The following TTC28 variants were observed in gnomAD, a reference collection of about 807,000 sequenced individuals.
TTC28 encodes tetratricopeptide repeat protein 28.
TTC28 carries 61 observed loss-of-function variants against 198.0 expected under a neutral mutation model. The ratio of observed to expected loss-of-function variants is 0.31; its 90% CI spans 0.25 to 0.38. TTC28 has a LOEUF of 0.38. TTC28 is among the 10% of genes least tolerant of loss of function. The probability of loss-of-function intolerance (pLI) is 1.00; values close to 1 mark genes in which losing one functional copy is unlikely to be tolerated. For synonymous variants in TTC28, 1,171 were observed against 1,297.8 expected, an observed-to-expected ratio of 0.90 and a Z score of 2.10; for missense variants, 2,678 against 3,164.0, an observed-to-expected ratio of 0.85 and a Z score of 3.69.
At position 27,989,232 on chromosome 22, in the gene TTC28, G is replaced by A. The variant is rs558805667; in HGVS notation, c.5707+646C>T. On this transcript the variant is annotated intron_variant, in intron 21 of 22. Coordinates refer to ENST00000397906, the MANE Select transcript of TTC28 (RefSeq NM_001145418.2). ...CTGCACTGACTGAGGCCCCTGCTAT[G>A]TGCAGTCCTAGGTACCCATGGTCTC... is the stretch of plus-strand genomic sequence containing the variant. Among the ~76,000 whole-genome samples, 299 of 151,992 alleles carry A rather than the reference G, an allele frequency of 2.0e-3. 1 individual carries two copies. The highest frequency in any genetic ancestry group is 6.8e-3 in the Middle Eastern group (2 of 294).
At chr22:28,179,819 A>C (rs1181995870) in intron 5 of TTC28, among the ~76,000 whole-genome samples, 1 of 152,224 alleles carries the variant, frequency 6.6e-6, no homozygotes, top group African/African-American at 2.4e-5. Flanking sequence ...TGACCAATAC[A>C]ATACTGAGCA....
At chr22:28,298,150 C>G (rs1377118423) in intron 3 of TTC28, among the ~76,000 whole-genome samples, 1 of 152,074 alleles carries the variant, frequency 6.6e-6, no homozygotes, top group Non-Finnish European at 1.5e-5. Flanking sequence ...TGTCCTGTTC[C>G]CCTCTCAAAA....
chr22:28,193,757 C>G (rs138995839), intron 5 of TTC28, among the ~76,000 whole-genome samples: 416 of 152,180 alleles, frequency 2.7e-3, no homozygotes, highest in African/African-American at 9.5e-3. Context: ...TATATATGCA[C>G]CCAATAAAGG....
intron 5 of TTC28, among the ~76,000 whole-genome samples, chr22:28,260,910 T>G (rs1449057292): frequency 6.6e-6 from 1 of 152,152 alleles, no homozygotes; most frequent in East Asian, 1.9e-4. Flanking sequence ...CACCTACTCC[T>G]ACTTTCTCTT....
Position 28,658,074 on chromosome 22 carries a change from T to C in TTC28, c.102+21548A>G, listed in dbSNP as rs181748311. Among the ~76,000 whole-genome samples the C allele has an allele frequency of 3.1e-3, 471 of 152,324 alleles. 1 individual carries two copies. Among genetic ancestry groups the C allele is most frequent in the Middle Eastern group, 0.02 (6 of 294 alleles). On this transcript the variant is annotated intron_variant, in intron 1 of 22. Transcript: ENST00000397906. ...ATAATATGCATTTCTAGTGTCATGATTAAGGATTCAGAATTACAAAAGGCC... is the reference window on the plus strand; with the variant it reads ...ATAATATGCATTTCTAGTGTCATGACTAAGGATTCAGAATTACAAAAGGCC...
intron 2 of TTC28, among the ~76,000 whole-genome samples, chr22:28,385,310 G>A (rs1372053627): frequency 1.3e-5 from 2 of 149,202 alleles, no homozygotes; most frequent in Non-Finnish European, 3.0e-5. Flanking sequence ...TTGGCTCACT[G>A]TAACCTCCAC....
intron 2 of TTC28, among the ~76,000 whole-genome samples, chr22:28,339,961 A>T (rs959680264): frequency 2.6e-5 from 4 of 152,106 alleles, no homozygotes; most frequent in Non-Finnish European, 5.9e-5. Flanking sequence ...AAATGCAGAA[A>T]TCACCCGTCT....
chr22:28,293,904 T>C (rs1306832639), intron 5 of TTC28, among the ~76,000 whole-genome samples: 1 of 152,140 alleles, frequency 6.6e-6, no homozygotes, highest in African/African-American at 2.4e-5. Context: ...TCTGCAATAG[T>C]TGAGCTATCT....
intron 9 of TTC28, among the ~76,000 whole-genome samples, chr22:28,099,314 G>A (rs1291229575): frequency 2.6e-5 from 4 of 152,164 alleles, no homozygotes; most frequent in African/African-American, 4.8e-5. Flanking sequence ...CATGTGAGGC[G>A]CATTAGGTGA....
Position 28,296,208 on chromosome 22 carries a change from T to G in TTC28, c.923A>C (p.Lys308Thr). ...RHQLVLAMKL[K>T]DREAASSALS... ...AGATAAACTTCCTACCTCTCGATCT[T>G]TGAGTTTCATGGCGAGTACCAACTG... Residue 308 changes from lysine (K) to threonine (T), a missense_variant, in exon 5 of 23, where the codon AAA (lysine) becomes ACA (threonine). Transcript: ENST00000397906. 6.5e-7 allele frequency: 1 copy of G among 1,547,250 alleles called. No homozygotes were observed. The highest frequency in any genetic ancestry group is 8.7e-7 in the Non-Finnish European group (1 of 1,145,012).
intron 2 of TTC28, among the ~76,000 whole-genome samples, chr22:28,445,668 G>A (rs2146240757): frequency 6.6e-6 from 1 of 152,216 alleles, no homozygotes; most frequent in African/African-American, 2.4e-5. Flanking sequence ...TCTCTGCCTG[G>A]ATTACTCTTC....
Position 27,982,747 on chromosome 22 carries a change from G to A in TTC28, c.6920C>T (p.Ser2307Phe). 1 of 1,551,292 alleles carries A rather than the reference G, an allele frequency of 6.4e-7. No individual in the cohort carries two copies. Among genetic ancestry groups the A allele is most frequent in the Non-Finnish European group, 8.7e-7 (1 of 1,146,726 alleles). The change falls in exon 23 of 23, where the codon TCC becomes TTC. Residue 2307 changes from serine to phenylalanine, a missense_variant. Ser to Phe is a radical substitution (Grantham distance 155). Coordinates refer to ENST00000397906, the MANE Select transcript of TTC28 (RefSeq NM_001145418.2). The surrounding 1 kb of genome is among the most constrained non-coding windows in gnomAD (Gnocchi z 5.2). Reference sequence around the variant, plus strand: ...AGGAGACTGGTGGCCGGAGCTTGGGGACATGTTCCTTGGTGATTTGGAAAT... The same window carrying A: ...AGGAGACTGGTGGCCGGAGCTTGGGAACATGTTCCTTGGTGATTTGGAAAT... ...AHISKSPRNM[S>F]PSSGHQSPAG...
intron 5 of TTC28, among the ~76,000 whole-genome samples, chr22:28,183,184 T>C (rs1923873044): frequency 6.6e-6 from 1 of 152,070 alleles, no homozygotes; most frequent in Non-Finnish European, 1.5e-5. Flanking sequence ...CTCAGCCTTC[T>C]GAGTAGCTGG....
intron 2 of TTC28, among the ~76,000 whole-genome samples, chr22:28,470,414 A>G (rs985363562): frequency 9.2e-5 from 14 of 152,318 alleles, no homozygotes; most frequent in African/African-American, 3.4e-4. Flanking sequence ...AGTCTTAGCT[A>G]AGATATAAGC....
chr22:28,535,103 T>C lies in TTC28; in HGVS notation c.381+94449A>G, dbSNP rs147548971. Among the ~76,000 whole-genome samples, 1,507 of 152,102 alleles carry C rather than the reference T, an allele frequency of 9.9e-3. 27 individuals carry two copies. The highest frequency in any genetic ancestry group is 0.034 in the African/African-American group (1,406 of 41,506). ...AAAGATGACGGCTCTAGGAATACAA[T>C]GGTTACTGTCCCTTAATAAAATCTG... is the stretch of plus-strand genomic sequence containing the variant. On this transcript the variant is annotated intron_variant, in intron 2 of 22. Transcript: ENST00000397906.
At chr22:28,105,020 G>A (rs187348862) in intron 8 of TTC28, among the ~76,000 whole-genome samples, 65 of 152,298 alleles carry the variant, frequency 4.3e-4, no homozygotes, top group Non-Finnish European at 6.2e-4. Context: ...AGTAGATGCT[G>A]TCACTGAGAG....
intron 2 of TTC28, among the ~76,000 whole-genome samples, chr22:28,496,174 A>G (rs542619490): frequency 1.3e-5 from 2 of 152,198 alleles, no homozygotes; most frequent in East Asian, 3.9e-4. Context: ...TGAGTATTCC[A>G]GGTTTCAGTC....
At chr22:28,281,914 C>A (rs1422437276) in intron 5 of TTC28, among the ~76,000 whole-genome samples, 1 of 152,156 alleles carries the variant, frequency 6.6e-6, no homozygotes, top group Non-Finnish European at 1.5e-5. Context: ...CCCTACATGG[C>A]TCTCCCCTTT....
At chr22:28,169,916 T>A (rs906695847) in intron 5 of TTC28, among the ~76,000 whole-genome samples, 9 of 151,806 alleles carry the variant, frequency 5.9e-5, no homozygotes, top group Non-Finnish European at 1.0e-4. Flanking sequence ...AAAAAAAAAA[T>A]TTTGCAGGTT....
Sources: gnomAD v4.1 joint callset for allele counts (sites outside exome capture counted in the v4.1 genomes callset) on GRCh38, gnomAD v4.1.1 for gene constraint, Gnocchi (gnomAD v3.1) non-coding constraint, MANE v1.5 for transcripts, NCBI Gene and HGNC (gene_info 2026-07-23, HGNC 2026-07-21) for gene names.